Variants in S100Z observed in about 807,000 individuals in gnomAD.
S100Z encodes the protein protein S100-Z.
Under a neutral mutation model 8.5 loss-of-function variants are expected in S100Z, and 11 were observed. The observed-to-expected ratio is 1.30, with a 90% CI of 0.82 to 2.15. The LOEUF is 2.15. S100Z is among the 30% of genes most tolerant of loss of function. S100Z has a pLI of 0.00. For synonymous variants in S100Z, 34 were observed against 43.8 expected, an observed-to-expected ratio of 0.78 and a Z score of 0.89; for missense variants, 126 against 117.9, an observed-to-expected ratio of 1.07 and a Z score of -0.32.
At chr5:76,862,046 C>A (rs1041172970) in intron 1 of S100Z, among the ~76,000 whole-genome samples, 3 of 151,920 alleles carry the variant, frequency 2.0e-5, no homozygotes, top group African/African-American at 7.3e-5. Context: ...GTATTCAATG[C>A]CATGAAATTA....
the S100Z span, among the ~76,000 whole-genome samples, chr5:76,928,229 A>C: frequency 6.6e-6 from 1 of 152,204 alleles, no homozygotes; most frequent in East Asian, 1.9e-4. Context: ...CAAGGGAAAC[A>C]AGGACCATAA....
At chr5:76,935,926 A>C in the S100Z span, among the ~76,000 whole-genome samples, 2 of 151,996 alleles carry the variant, frequency 1.3e-5, no homozygotes, top group African/African-American at 4.8e-5. Context: ...ACAGGTGCAC[A>C]CCACCACACC....
intron 3 of S100Z, among the ~76,000 whole-genome samples, chr5:76,876,750 A>G (rs1015839363): frequency 2.0e-5 from 3 of 152,152 alleles, no homozygotes; most frequent in African/African-American, 7.2e-5. Flanking sequence ...AATCAAGTAC[A>G]ATTTATAATT....
At chr5:76,859,529 C>T (rs1041952729) in intron 1 of S100Z, among the ~76,000 whole-genome samples, 1 of 152,014 alleles carries the variant, frequency 6.6e-6, no homozygotes, top group African/African-American at 2.4e-5. Context: ...GTCTGTAATC[C>T]CAGCACTTTG....
downstream of S100Z, among the ~76,000 whole-genome samples, chr5:76,925,611 A>G (rs1055120803): frequency 6.6e-6 from 1 of 152,046 alleles, no homozygotes; most frequent in African/African-American, 2.4e-5. Flanking sequence ...ACTTCTTTAG[A>G]TAATCTATGC....
chr5:76,893,369 C>T (rs1348098467), intron 4 of S100Z, among the ~76,000 whole-genome samples: 1 of 152,072 alleles, frequency 6.6e-6, no homozygotes, highest in Non-Finnish European at 1.5e-5. Context: ...CATGGCAAAA[C>T]CTCCACTCTA....
intron 4 of S100Z, among the ~76,000 whole-genome samples, chr5:76,914,295 G>T (rs13186835): frequency 0.62 from 94,368 of 151,686 alleles, 29,611 homozygotes; most frequent in Non-Finnish European, 0.64. Context: ...GGGCTGGGTG[G>T]GGACTTGGAG....
intron 3 of S100Z, among the ~76,000 whole-genome samples, chr5:76,876,432 G>A (rs1320662078): frequency 2.0e-5 from 3 of 150,758 alleles, no homozygotes; most frequent in Admixed American, 6.6e-5. Flanking sequence ...GCAGTGACAC[G>A]ATCTCGGCTC....
chr5:76,865,275 A>C (rs1579999247), intron 1 of S100Z, among the ~76,000 whole-genome samples: 3 of 114,156 alleles, frequency 2.6e-5, no homozygotes, highest in East Asian at 2.5e-4. Context: ...ATGGAGTTTC[A>C]CTCTTGTTAC....
intron 1 of S100Z, among the ~76,000 whole-genome samples, chr5:76,861,323 G>A (rs1461925088): frequency 4.0e-5 from 6 of 149,284 alleles, no homozygotes; most frequent in Non-Finnish European, 8.9e-5. Context: ...GATTCAAGAG[G>A]AAGCGAGGCA....
chr5:76,949,698 T>C, the S100Z span, among the ~76,000 whole-genome samples: 1 of 152,234 alleles, frequency 6.6e-6, no homozygotes, highest in Admixed American at 6.5e-5. Flanking sequence ...AAGTGAAAGA[T>C]GCCAGCCACA....
intron 4 of S100Z, among the ~76,000 whole-genome samples, chr5:76,914,808 T>C (rs181157140): frequency 3.9e-5 from 6 of 152,214 alleles, no homozygotes; most frequent in East Asian, 1.9e-4. Flanking sequence ...TTAAGAGCTG[T>C]AACCCTCACA....
intron 1 of S100Z, among the ~76,000 whole-genome samples, chr5:76,854,986 T>A (rs557762712): frequency 4.6e-5 from 7 of 152,302 alleles, no homozygotes; most frequent in Admixed American, 4.6e-4. Context: ...GGCTCAAAGT[T>A]CCTGCCACTT....
At chr5:76,872,936 G>A (rs1397935826) in intron 2 of S100Z, among the ~76,000 whole-genome samples, 1 of 152,116 alleles carries the variant, frequency 6.6e-6, no homozygotes, top group African/African-American at 2.4e-5. Context: ...TGGCACCACT[G>A]CACTCCAGCC....
At chr5:76,902,090 G>A (rs2150671121) in intron 4 of S100Z, among the ~76,000 whole-genome samples, 1 of 152,174 alleles carries the variant, frequency 6.6e-6, no homozygotes, top group South Asian at 2.1e-4. Flanking sequence ...CAAGACTCAA[G>A]ACAAAATCCT....
chr5:76,864,741 G>A (rs545382577), intron 1 of S100Z, among the ~76,000 whole-genome samples: 87 of 141,364 alleles, frequency 6.2e-4, no homozygotes, highest in African/African-American at 2.1e-3. Flanking sequence ...AGGGAATCTC[G>A]CCTGTCACCC....
chr5:76,893,278 AC>A (rs1473023738), intron 4 of S100Z, among the ~76,000 whole-genome samples: 1 of 152,146 alleles, frequency 6.6e-6, no homozygotes, highest in Non-Finnish European at 1.5e-5. Context: ...AATTTTCTGC[AC>A]CCCCATCAAG....
At chr5:76,909,333 C>T (rs1744568213) in intron 4 of S100Z, among the ~76,000 whole-genome samples, 1 of 152,116 alleles carries the variant, frequency 6.6e-6, no homozygotes, top group South Asian at 2.1e-4. Context: ...CATTTGTTTC[C>T]ACACTACGGC....
chr5:76,878,249 A>C (rs1031314408), intron 4 of S100Z: 2 of 154,950 alleles, frequency 1.3e-5, no homozygotes, highest in Non-Finnish European at 2.9e-5. Flanking sequence ...ACTGTGTTTC[A>C]GATGGAAGGT....
Sources: gnomAD v4.1 joint callset for allele counts (sites outside exome capture counted in the v4.1 genomes callset) on GRCh38, gnomAD v4.1.1 for gene constraint, MANE v1.5 for transcripts, NCBI Gene and HGNC (gene_info 2026-07-23, HGNC 2026-07-21) for gene names.